LIPM: variants seen among roughly 807,000 people sequenced by gnomAD.
LIPM encodes lipase family member M.
A neutral mutation model predicts 42.4 loss-of-function variants in LIPM; 42 were observed. The ratio of observed to expected loss-of-function variants is 0.99; its 90% CI spans 0.77 to 1.28. The LOEUF is 1.28. Ranked by LOEUF, LIPM falls within the 50% of genes most tolerant of loss-of-function variation. The probability of loss-of-function intolerance (pLI) is 0.00; values close to 1 mark genes in which losing one functional copy is unlikely to be tolerated. For synonymous variants in LIPM, 177 were observed against 173.3 expected (o/e 1.02, Z -0.17); for missense variants, 524 against 520.1 (o/e 1.01, Z -0.07).
At chr10:88,803,893 A>G (rs539734850) in intron 1 of LIPM, among the ~76,000 whole-genome samples, 18 of 152,310 alleles carry the variant, frequency 1.2e-4, no homozygotes, top group African/African-American at 3.8e-4. Context: ...CACAAAGTCT[A>G]TAATTATAAA....
intron 1 of LIPM, among the ~76,000 whole-genome samples, chr10:88,807,712 C>T (rs763352599): frequency 1.3e-5 from 2 of 152,146 alleles, no homozygotes; most frequent in African/African-American, 2.4e-5. Context: ...GGAATCAATG[C>T]TCTTGAGTCT....
At chr10:88,814,256 A>G (rs550096749) in intron 3 of LIPM, among the ~76,000 whole-genome samples, 1 of 152,330 alleles carries the variant, frequency 6.6e-6, no homozygotes, top group Admixed American at 6.5e-5. Context: ...TTCCACTAGC[A>G]GTTGCGTTAT....
intron 1 of LIPM, chr10:88,805,953 T>C (rs1843581059): frequency 6.6e-6 from 3 of 456,596 alleles, no homozygotes; most frequent in Non-Finnish European, 8.8e-6. Flanking sequence ...AAACTGCTCT[T>C]CAGAGATGTC....
In LIPM at chr10:88,813,083, TTC is replaced by T; in HGVS notation, c.266-10_266-9del. 1 of 1,562,220 alleles carries T rather than the reference TTC, an allele frequency of 6.4e-7. No homozygotes were observed. The highest frequency in any genetic ancestry group is 8.7e-7 in the Non-Finnish European group (1 of 1,152,040). ...GAGAACATTTCATACAGTTGAAATT[TTC>T]TCTTTTTGCAGGTTCCAGGCCTGTG... On this transcript the variant is annotated splice_polypyrimidine_tract_variant and intron_variant, in intron 2 of 8. Coordinates refer to ENST00000404743, the MANE Select transcript of LIPM (RefSeq NM_001128215.1).
intron 7 of LIPM, among the ~76,000 whole-genome samples, 191 bp downstream of exon 7, chr10:88,817,078 G>T (rs1034635350): frequency 1.3e-5 from 2 of 152,196 alleles, no homozygotes; most frequent in Non-Finnish European, 2.9e-5. Context: ...TGGGAAGAAA[G>T]GACAGAAGTA....
In LIPM at chr10:88,815,071, T is replaced by C. The variant is rs773828528; in HGVS notation, c.575-17T>C. The C allele has an allele frequency of 6.6e-7, 1 of 1,523,620 alleles. No individual in the cohort carries two copies. The highest frequency in any genetic ancestry group is 1.3e-5 in the South Asian group (1 of 78,734). The allele number at this position is 1,523,620 out of a possible 1,614,324, so 94.4% of individuals were successfully genotyped here. A position where few individuals can be genotyped will look rare whatever the true frequency, so the allele number is the denominator to read the frequency against. ...AAAATATTTCGTATTCATGTTGACA[T>C]ATTTCTTCTTTTGCAGGCTTTATTG... On this transcript the variant is annotated splice_polypyrimidine_tract_variant and intron_variant, in intron 4 of 8. Transcript: ENST00000404743.
intron 7 of LIPM, 79 bp downstream of exon 7, chr10:88,816,966 T>C (rs1281059925): frequency 4.8e-5 from 50 of 1,046,936 alleles, no homozygotes. Flanking sequence ...ACCATTTAGA[T>C]AAGCCAGGGA....
chr10:88,804,001 A>T (rs1327630769), intron 1 of LIPM, among the ~76,000 whole-genome samples: 2 of 152,210 alleles, frequency 1.3e-5, no homozygotes, highest in Non-Finnish European at 1.5e-5. Context: ...AGATTTATCT[A>T]ACAAACTCTC....
At chr10:88,809,456 T>C (rs1264365633) in intron 2 of LIPM, among the ~76,000 whole-genome samples, 1 of 152,218 alleles carries the variant, frequency 6.6e-6, no homozygotes, top group Non-Finnish European at 1.5e-5. Flanking sequence ...GTCTTTCTTG[T>C]GTATAGGTAA....
chr10:88,819,185 C>T (rs1426232136), intron 8 of LIPM, among the ~76,000 whole-genome samples: 14 of 152,052 alleles, frequency 9.2e-5, no homozygotes, highest in East Asian at 3.9e-4. Flanking sequence ...CCACTGTGCC[C>T]GGCCCTAAGA....
chr10:88,804,657 C>T (rs1389034110), intron 1 of LIPM, among the ~76,000 whole-genome samples: 2 of 152,168 alleles, frequency 1.3e-5, no homozygotes, highest in Non-Finnish European at 2.9e-5. Flanking sequence ...GACACTCCTA[C>T]CAGAACCATG....
chr10:88,819,430 C>G (rs1291516412), intron 8 of LIPM, among the ~76,000 whole-genome samples: 1 of 152,130 alleles, frequency 6.6e-6, no homozygotes, highest in Non-Finnish European at 1.5e-5. Flanking sequence ...CAAATTAGGC[C>G]ATAACTGAGC....
At chr10:88,815,837 T>C (rs1044361598) in intron 6 of LIPM, among the ~76,000 whole-genome samples, 2 of 152,328 alleles carry the variant, frequency 1.3e-5, no homozygotes, top group African/African-American at 4.8e-5. Context: ...TACCCTGCAC[T>C]GGGGTCCTGT....
chr10:88,814,313 A>T (rs1843690355), intron 3 of LIPM, among the ~76,000 whole-genome samples: 1 of 152,196 alleles, frequency 6.6e-6, no homozygotes, highest in Admixed American at 6.5e-5. Context: ...ACGTGATAAC[A>T]TCTAGAGAAA....
In LIPM at chr10:88,817,867, G is replaced by A; in HGVS notation, c.973G>A (p.Glu325Lys). 1.3e-6 allele frequency: 2 copies of A among 1,551,448 alleles called. No homozygotes were observed. The highest frequency in any genetic ancestry group is 1.7e-6 in the Non-Finnish European group (2 of 1,146,834). The change falls in exon 8 of 9, where the codon GAG becomes AAG. Residue 325 changes from glutamate to lysine, a missense_variant. Glu to Lys is a moderately conservative substitution (Grantham distance 56). Coordinates refer to ENST00000404743, the MANE Select transcript of LIPM (RefSeq NM_001128215.1). ...GELRAFDWGS[E>K]TKNLEKCNQP... The stretch of plus-strand genomic sequence containing the variant: ...ACTCCGGGCATTTGACTGGGGGAGT[G>A]AGACCAAAAATCTGGAAAAATGCAA...
At chr10:88,814,948 T>C in intron 4 of LIPM, 140 bp from the exon 5 acceptor site, 1 of 773,138 alleles carries the variant, frequency 1.3e-6, no homozygotes, top group South Asian at 2.1e-5. Flanking sequence ...GCTGGTGTCA[T>C]AAGGACCTTA....
intron 7 of LIPM, 141 bp from the exon 8 acceptor site, chr10:88,817,684 C>A (rs773797297): frequency 1.4e-4 from 81 of 593,814 alleles, no homozygotes; most frequent in Non-Finnish European, 2.2e-4. Flanking sequence ...AGACGCTTAT[C>A]CCAACATTGA....
rs566003541 is a variant in LIPM, at chr10:88,815,083, T to C, written c.575-5T>C. 1.3e-6 allele frequency: 2 copies of C among 1,528,342 alleles called. No homozygotes were observed. Among genetic ancestry groups the C allele is most frequent in the East Asian group, 4.9e-5 (2 of 40,798 alleles). The allele number at this position is 1,528,342 out of a possible 1,614,324, so 94.7% of individuals were successfully genotyped here. ...ATTCATGTTGACATATTTCTTCTTT[T>C]GCAGGCTTTATTGCATTTTCCACCA... On this transcript the variant is annotated splice_region_variant and splice_polypyrimidine_tract_variant and intron_variant, in intron 4 of 8. Transcript: ENST00000404743.
At chr10:88,810,085 C>G (rs901639498) in intron 2 of LIPM, among the ~76,000 whole-genome samples, 3 of 152,178 alleles carry the variant, frequency 2.0e-5, no homozygotes, top group Admixed American at 6.5e-5. Flanking sequence ...CTGTCTCCCC[C>G]CAGTCAGAGT....
Sources: gnomAD v4.1 joint callset for allele counts (sites outside exome capture counted in the v4.1 genomes callset) on GRCh38, gnomAD v4.1.1 for gene constraint, MANE v1.5 for transcripts, NCBI Gene and HGNC (gene_info 2026-07-23, HGNC 2026-07-21) for gene names.